OR51B5: variants seen among roughly 807,000 people sequenced by gnomAD.
The protein encoded by OR51B5 is olfactory receptor family 51 subfamily B member 5.
For missense variants in OR51B5, 456 were observed against 374.6 expected, an observed-to-expected ratio of 1.22 and a Z score of -1.79; for synonymous variants, 186 against 144.8, an observed-to-expected ratio of 1.28 and a Z score of -2.04.
chr11:5,423,291 G>A, intron 1 of OR51B5: 1 of 1,193,320 alleles, frequency 8.4e-7, no homozygotes, highest in Non-Finnish European at 1.1e-6. Context: ...TTTTAGCATG[G>A]AATTTTTGGC....
At chr11:5,393,917 G>A (rs1453195380) in intron 1 of OR51B5, among the ~76,000 whole-genome samples, 5 of 152,042 alleles carry the variant, frequency 3.3e-5, no homozygotes, top group African/African-American at 9.7e-5. Context: ...CTCGTTTCAG[G>A]GCCATGTTTT....
intron 1 of OR51B5, chr11:5,391,493 G>T (rs980053164): frequency 3.9e-5 from 6 of 152,192 alleles, no homozygotes; most frequent in Middle Eastern, 3.2e-3. Flanking sequence ...TAAATACAAT[G>T]CCTAGCACAT....
At chr11:5,370,674 G>A (rs958561698) in intron 1 of OR51B5, among the ~76,000 whole-genome samples, 7 of 151,972 alleles carry the variant, frequency 4.6e-5, no homozygotes, top group South Asian at 4.2e-4. Flanking sequence ...GCAACTACTG[G>A]GTACAAAAAT....
rs762030602 is a variant in OR51B5 at position 5,351,552 on chromosome 11, C to A, written n.85-4642G>T. 28 of 1,613,326 alleles carry A rather than the reference C, an allele frequency of 1.7e-5. No individual in the cohort carries two copies. The highest frequency in any genetic ancestry group is 2.3e-5 in the Non-Finnish European group (27 of 1,179,844). ...CTTCCACCTTCCAGCTTACTGGCTT[C>A]CCAGGCATGGAGAAGGCACATCACT... is the stretch of plus-strand genomic sequence containing the variant. On this transcript the variant is annotated intron_variant and non_coding_transcript_variant, in intron 1 of 4. Coordinates refer to the OR51B5 transcript ENST00000415970.
chr11:5,458,989 G>A (rs531720602), intron 1 of OR51B5, among the ~76,000 whole-genome samples: 11 of 152,238 alleles, frequency 7.2e-5, no homozygotes, highest in African/African-American at 2.6e-4. Context: ...CCAATACTAT[G>A]CAGAGTAAGA....
In OR51B5 at chr11:5,435,939, G is replaced by T. The variant is rs564608970; in HGVS notation, n.84+69630C>A. Among the ~76,000 whole-genome samples, 5 of 152,246 alleles carry T rather than the reference G, an allele frequency of 3.3e-5. No individual in the cohort carries two copies. The South Asian group carries it at 8.3e-4, about 25-fold the overall frequency. Reference sequence around the variant, plus strand: ...CAGATTTTGAGCTCTTTTAGGATCAGACTTGTGCCTGGTTCATCCTGTCCT... The same window carrying T: ...CAGATTTTGAGCTCTTTTAGGATCATACTTGTGCCTGGTTCATCCTGTCCT... On this transcript the variant is annotated intron_variant and non_coding_transcript_variant, in intron 1 of 4. Coordinates refer to the OR51B5 transcript ENST00000415970.
chr11:5,495,336 T>A (rs1245643988), intron 1 of OR51B5, among the ~76,000 whole-genome samples: 1 of 152,198 alleles, frequency 6.6e-6, no homozygotes, highest in African/African-American at 2.4e-5. Context: ...AATGGTAATG[T>A]GTAACTCACT....
intron 1 of OR51B5, among the ~76,000 whole-genome samples, chr11:5,415,018 G>C (rs553273055): frequency 2.6e-3 from 389 of 151,970 alleles, no homozygotes; most frequent in African/African-American, 8.3e-3. Flanking sequence ...TGACCACATA[G>C]TTGGCAGTAA....
chr11:5,505,103 C>A (rs985977825), intron 1 of OR51B5, among the ~76,000 whole-genome samples: 1 of 152,160 alleles, frequency 6.6e-6, no homozygotes, highest in Non-Finnish European at 1.5e-5. Flanking sequence ...CATTTCTTCC[C>A]ATTAGGTGTT....
At chr11:5,431,790 C>T (rs1442300167) in intron 1 of OR51B5, among the ~76,000 whole-genome samples, 5 of 152,224 alleles carry the variant, frequency 3.3e-5, no homozygotes, top group Admixed American at 3.3e-4. Context: ...CTCTTCTCTC[C>T]TCCTGTTCTC....
intron 1 of OR51B5, among the ~76,000 whole-genome samples, chr11:5,420,685 A>G (rs754375139): frequency 6.6e-6 from 1 of 152,054 alleles, no homozygotes; most frequent in African/African-American, 2.4e-5. Flanking sequence ...TTAAATGCTT[A>G]TATTATTTTC....
chr11:5,463,468 G>A (rs1851089579), intron 1 of OR51B5, among the ~76,000 whole-genome samples: 1 of 152,190 alleles, frequency 6.6e-6, no homozygotes, highest in Admixed American at 6.5e-5. Flanking sequence ...TGCCAGCCAT[G>A]TTAATCAAGA....
chr11:5,418,235 T>C (rs937286451), intron 1 of OR51B5, among the ~76,000 whole-genome samples: 20 of 151,934 alleles, frequency 1.3e-4, no homozygotes, highest in Non-Finnish European at 2.4e-4. Flanking sequence ...AAGGGGAACA[T>C]CACACTCTGG....
rs185032623 is a variant in OR51B5 at position 5,469,031 on chromosome 11, G to A, written n.84+36538C>T. 2.8e-3 allele frequency: 836 copies of A among 296,048 alleles called. 9 individuals are homozygous for A. The highest frequency in any genetic ancestry group is 0.017 in the African/African-American group (780 of 45,144). The allele number at this position is 296,048 out of a possible 1,614,324, so 18.3% of individuals were successfully genotyped here. On this transcript the variant is annotated intron_variant and non_coding_transcript_variant, in intron 1 of 4. Coordinates refer to the OR51B5 transcript ENST00000415970. Reference sequence around the variant, plus strand: ...AGTGAGCACTGTGGCATAGCGCAGCGGGTTACAGATGGCCACATAGTGGTC... The same window carrying A: ...AGTGAGCACTGTGGCATAGCGCAGCAGGTTACAGATGGCCACATAGTGGTC...
chr11:5,402,819 C>T (rs1172509893), intron 1 of OR51B5: 2 of 471,628 alleles, frequency 4.2e-6, no homozygotes, highest in South Asian at 3.1e-5. Context: ...GGCCGAGGTT[C>T]GTGTCTCTGC....
chr11:5,499,481 T>C (rs953411901), intron 1 of OR51B5, among the ~76,000 whole-genome samples: 4 of 152,186 alleles, frequency 2.6e-5, no homozygotes. Context: ...TAATCCAGTA[T>C]TTTTTATATT....
chr11:5,423,163 A>C, intron 1 of OR51B5: 1 of 1,571,612 alleles, frequency 6.4e-7, no homozygotes, highest in Non-Finnish European at 8.7e-7. Flanking sequence ...GAGGGAATGC[A>C]TTTCTTAAAT....
chr11:5,418,151 A>G (rs186923608), intron 1 of OR51B5, among the ~76,000 whole-genome samples: 3,871 of 151,866 alleles, frequency 0.025, 158 homozygotes, highest in African/African-American at 0.085. Context: ...AAACTATTGC[A>G]AGAACAAAAA....
chr11:5,354,282 A>C (rs1849152308), intron 1 of OR51B5, among the ~76,000 whole-genome samples: 1 of 152,198 alleles, frequency 6.6e-6, no homozygotes, highest in African/African-American at 2.4e-5. Context: ...CATCAAAGAA[A>C]ATCTTTCTTG....
Sources: gnomAD v4.1 joint callset for allele counts (sites outside exome capture counted in the v4.1 genomes callset) on GRCh38, gnomAD v4.1.1 for gene constraint, MANE v1.5 for transcripts, NCBI Gene and HGNC (gene_info 2026-07-23, HGNC 2026-07-21) for gene names.